Variants in ATP6V1C2 observed in about 807,000 individuals in gnomAD.
ATP6V1C2 encodes the protein ATPase H+ transporting V1 subunit C2, also known as V-type proton ATPase subunit C 2.
Under a neutral mutation model 56.8 loss-of-function variants are expected in ATP6V1C2, and 45 were observed. That is an observed-to-expected ratio of 0.79 (90% CI 0.62 to 1.02). The LOEUF is 1.02. Ranked by LOEUF, ATP6V1C2 falls within the 50% of genes least tolerant of loss-of-function variation. The probability of loss-of-function intolerance (pLI) is 0.00; values close to 1 mark genes in which losing one functional copy is unlikely to be tolerated. For missense variants in ATP6V1C2, 463 were observed against 519.7 expected, an observed-to-expected ratio of 0.89 and a Z score of 1.06; for synonymous variants, 220 against 201.3, an observed-to-expected ratio of 1.09 and a Z score of -0.79.
At chr2:10,745,572 C>T (rs1662864257) in intron 3 of ATP6V1C2, among the ~76,000 whole-genome samples, 1 of 152,100 alleles carries the variant, frequency 6.6e-6, no homozygotes, top group African/African-American at 2.4e-5. Context: ...AATTCCTGAT[C>T]TCAAGTGATC....
rs563093135 is a variant in ATP6V1C2 at position 10,763,870 on chromosome 2, C to T, written c.284-461C>T. 6.6e-6 allele frequency among the ~76,000 whole-genome samples: 1 copy of T among 152,244 alleles called. No homozygotes were observed. Among genetic ancestry groups the T allele is most frequent in the Non-Finnish European group, 1.5e-5 (1 of 68,012 alleles). On this transcript the variant is annotated intron_variant, in intron 4 of 13. Transcript: ENST00000272238. The surrounding 1 kb of genome is among the most constrained non-coding windows in gnomAD (Gnocchi z 4.2). ...CTTCTTTCTGACTTCAATTCTGGGG[C>T]TCTCTCCACCCCACACCTGGTTAGA...
chr2:10,754,258 T>C (rs895601192), intron 4 of ATP6V1C2, among the ~76,000 whole-genome samples, 192 bp downstream of exon 4: 8 of 152,118 alleles, frequency 5.3e-5, no homozygotes, highest in Admixed American at 1.3e-4. Flanking sequence ...AGACAGAGTC[T>C]CCCTCTGTTG....
At position 10,780,772 on chromosome 2, in the gene ATP6V1C2, C is replaced by T. The variant is rs1665300258; in HGVS notation, c.1062-1471C>T. Among the ~76,000 whole-genome samples the T allele has an allele frequency of 1.3e-5, 2 of 149,326 alleles. No individual in the cohort carries two copies. Among genetic ancestry groups the T allele is most frequent in the Admixed American group, 6.7e-5 (1 of 15,030 alleles). On this transcript the variant is annotated intron_variant, in intron 12 of 13. Transcript: ENST00000272238. The surrounding 1 kb of genome is among the most constrained non-coding windows in gnomAD (Gnocchi z 4.1). Reference sequence around the variant, plus strand: ...TCCTTTTTTTTTTTTTTGAGATGGACTCTTGCTGTCGCCTAGGCTGGAGTG... The same window carrying T: ...TCCTTTTTTTTTTTTTTGAGATGGATTCTTGCTGTCGCCTAGGCTGGAGTG...
intron 3 of ATP6V1C2, among the ~76,000 whole-genome samples, chr2:10,746,042 G>A (rs1348901717): frequency 1.3e-5 from 2 of 152,066 alleles, no homozygotes; most frequent in African/African-American, 2.4e-5. Flanking sequence ...CCACCTTTTG[G>A]TTATTTTTGT....
chr2:10,781,246 G>A (rs971266990), intron 12 of ATP6V1C2, among the ~76,000 whole-genome samples: 3 of 152,210 alleles, frequency 2.0e-5, no homozygotes, highest in Non-Finnish European at 4.4e-5. Context: ...GCTGCTGGGG[G>A]AGGAGCGCCT....
chr2:10,776,900 G>A (rs1665027568), intron 10 of ATP6V1C2, among the ~76,000 whole-genome samples: 3 of 152,240 alleles, frequency 2.0e-5, no homozygotes, highest in Admixed American at 2.0e-4. Context: ...TCTGTGGGCG[G>A]GAGGTGGAGG....
intron 3 of ATP6V1C2, among the ~76,000 whole-genome samples, chr2:10,750,465 G>C (rs889908063): frequency 7.9e-5 from 12 of 151,732 alleles, no homozygotes; most frequent in African/African-American, 2.9e-4. Flanking sequence ...GCAGTAAGCC[G>C]AGATAGCACC....
intron 4 of ATP6V1C2, chr2:10,757,293 G>A (rs561959130): frequency 2.6e-5 from 10 of 381,204 alleles, no homozygotes; most frequent in East Asian, 1.9e-4. Flanking sequence ...GATTACAGGC[G>A]TGAGCCACCG....
intron 4 of ATP6V1C2, among the ~76,000 whole-genome samples, chr2:10,755,601 A>C (rs772821983): frequency 4.5e-4 from 69 of 152,184 alleles, no homozygotes; most frequent in Non-Finnish European, 7.9e-4. Context: ...AGAGTGCTGC[A>C]GATAAACACA....
chr2:10,722,708 C>T (rs1661433200), intron 1 of ATP6V1C2, 116 bp from the exon 2 acceptor site: 1 of 1,174,088 alleles, frequency 8.5e-7, no homozygotes, highest in Admixed American at 2.6e-5. Flanking sequence ...AAATGGATGT[C>T]CTTGGAGCTC....
chr2:10,753,880 C>T (rs984210330), intron 3 of ATP6V1C2, 101 bp from the exon 4 acceptor site: 13 of 1,104,520 alleles, frequency 1.2e-5, no homozygotes, highest in Non-Finnish European at 1.6e-5. Context: ...AAATTATTCC[C>T]CCAAAGGGTG....
intron 3 of ATP6V1C2, among the ~76,000 whole-genome samples, chr2:10,727,637 C>A (rs2171774): frequency 2.0e-5 from 3 of 152,134 alleles, no homozygotes; most frequent in South Asian, 4.1e-4. Flanking sequence ...GGTAGCTCAC[C>A]CCTATAATCC....
At position 10,780,468 on chromosome 2, in the gene ATP6V1C2, C is replaced by T. The variant is rs138407446; in HGVS notation, c.1062-1775C>T. Among the ~76,000 whole-genome samples the T allele has an allele frequency of 2.3e-3, 352 of 152,334 alleles. 5 individuals are homozygous for T. Among genetic ancestry groups the T allele is most frequent in the Admixed American group, 5.6e-3 (85 of 15,306 alleles). ...TGGTTCCTGGTTCTTCTGCCCTGCA[C>T]ATGCACCGCACCCACACCTGTACCC... On this transcript the variant is annotated intron_variant, in intron 12 of 13. Transcript: ENST00000272238. This position sits in a 1 kb window ranked among gnomAD's most constrained non-coding sequence, Gnocchi z 4.1.
intron 10 of ATP6V1C2, 85 bp from the exon 11 acceptor site, chr2:10,777,500 G>A (rs763760385): frequency 1.6e-4 from 252 of 1,535,466 alleles, no homozygotes; most frequent in Admixed American, 2.9e-4. Context: ...GCTTGCTCTC[G>A]CGTGCCTTTC....
chr2:10,754,178 A>G, intron 4 of ATP6V1C2, 112 bp downstream of exon 4: 1 of 788,138 alleles, frequency 1.3e-6, no homozygotes, highest in Non-Finnish European at 2.1e-6. Context: ...GTCTCAGTGG[A>G]TGCTCTGGAT....
chr2:10,742,837 G>A (rs1572529567), intron 3 of ATP6V1C2, among the ~76,000 whole-genome samples: 1 of 152,192 alleles, frequency 6.6e-6, no homozygotes, highest in South Asian at 2.1e-4. Flanking sequence ...ACCTGCCACA[G>A]GCAGATTTGT....
intron 4 of ATP6V1C2, among the ~76,000 whole-genome samples, chr2:10,754,647 A>G (rs1663422489): frequency 6.6e-6 from 1 of 151,238 alleles, no homozygotes; most frequent in Non-Finnish European, 1.5e-5. Context: ...ATCTCGGCTC[A>G]CTGCAAGCTC....
intron 3 of ATP6V1C2, among the ~76,000 whole-genome samples, chr2:10,727,276 T>C (rs1304642058): frequency 6.6e-6 from 1 of 151,762 alleles, no homozygotes; most frequent in Non-Finnish European, 1.5e-5. Flanking sequence ...CACCATGTGT[T>C]CCAGGCTAGT....
chr2:10,758,988 G>A (rs1417909115), intron 4 of ATP6V1C2, among the ~76,000 whole-genome samples: 2 of 152,196 alleles, frequency 1.3e-5, no homozygotes, highest in Non-Finnish European at 2.9e-5. Flanking sequence ...AACTTAGTTT[G>A]ACTTGGGCTT....
Sources: allele counts gnomAD v4.1 joint callset (sites outside exome capture counted in the v4.1 genomes callset), GRCh38; gene constraint gnomAD v4.1.1; non-coding constraint Gnocchi (gnomAD v3.1); transcripts MANE v1.5; gene names NCBI Gene and HGNC (gene_info 2026-07-23, HGNC 2026-07-21).